The following CYFIP1 variants were observed in gnomAD, a reference collection of about 807,000 sequenced individuals.
CYFIP1 encodes cytoplasmic FMR1 interacting protein 1.
CYFIP1 carries 58 observed loss-of-function variants against 163.5 expected under a neutral mutation model. That is an observed-to-expected ratio of 0.35 (90% confidence interval 0.29 to 0.44). The LOEUF (loss-of-function observed/expected upper bound fraction) is 0.44, where lower values mean the gene tolerates loss of function less well. CYFIP1 is among the 20% of genes least tolerant of loss of function. The pLI, the probability that CYFIP1 is intolerant of heterozygous loss-of-function variation, is 1.00. For missense variants in CYFIP1, 1,338 were observed against 1,653.8 expected, an observed-to-expected ratio of 0.81 and a Z score of 3.31; for synonymous variants, 663 against 660.7, an observed-to-expected ratio of 1.00 and a Z score of -0.05.
Position 22,917,848 on chromosome 15 carries a change from G to A in CYFIP1, c.1614C>T (p.Asp538=), listed in dbSNP as rs775501281. ...FNDPALRGEK[D]PKSGFDIKVP... ...CTTTTATGTCGAAGCCGCTCTTGGG[G>A]TCCTTCTCGCCCCGCAAGGCTGGGT... The change falls in exon 15 of 31, where the codon GAC becomes GAT. Residue 538 remains aspartate, a synonymous_variant. Coordinates refer to ENST00000617928, the MANE Select transcript of CYFIP1 (RefSeq NM_014608.6). The surrounding 1 kb of genome is among the most constrained non-coding windows in gnomAD (Gnocchi z 4.2). The A allele has an allele frequency of 6.2e-7, 1 of 1,613,910 alleles. No individual in the cohort carries two copies. Among genetic ancestry groups the A allele is most frequent in the Admixed American group, 1.7e-5 (1 of 59,998 alleles).
intron 23 of CYFIP1, among the ~76,000 whole-genome samples, chr15:22,883,816 C>CAAAAAAAAAAAAAAAAAAAAAAAA (rs34623284): frequency 1.3e-5 from 1 of 74,916 alleles, no homozygotes. Flanking sequence ...GACTTCATCT[C>CAAAAAAAAAAAAAAAAAAAAAAAA]AAAAAAAAAA....
chr15:22,919,376 A>G (rs2061102454), intron 13 of CYFIP1, among the ~76,000 whole-genome samples: 1 of 152,244 alleles, frequency 6.6e-6, no homozygotes, highest in African/African-American at 2.4e-5. Flanking sequence ...CCCTGTTTCC[A>G]GACAGTAATT....
intron 1 of CYFIP1, among the ~76,000 whole-genome samples, chr15:22,976,965 C>T (rs7182206): frequency 0.26 from 40,123 of 151,966 alleles, 5,434 homozygotes; most frequent in East Asian, 0.3. Context: ...TTTGGGAGGC[C>T]GAGGCAGGCG....
At chr15:22,958,735 A>C (rs2062571612) in intron 1 of CYFIP1, among the ~76,000 whole-genome samples, 1 of 150,838 alleles carries the variant, frequency 6.6e-6, no homozygotes, top group Non-Finnish European at 1.5e-5. Context: ...TCTTCCTGTC[A>C]CTCTCCTGCT....
chr15:22,898,758 C>T (rs1189047985), intron 22 of CYFIP1, among the ~76,000 whole-genome samples: 1 of 152,030 alleles, frequency 6.6e-6, no homozygotes, highest in East Asian at 1.9e-4. Context: ...AATCCCAGCA[C>T]TTTGGGAGGC....
At chr15:22,958,843 G>A (rs577137542) in intron 1 of CYFIP1, among the ~76,000 whole-genome samples, 6 of 152,314 alleles carry the variant, frequency 3.9e-5, no homozygotes, top group African/African-American at 1.4e-4. Flanking sequence ...GAGCAGTTCT[G>A]TCTTTATCTG....
At chr15:22,927,198 G>A in intron 12 of CYFIP1, among the ~76,000 whole-genome samples, 1 of 152,124 alleles carries the variant, frequency 6.6e-6, no homozygotes, top group Admixed American at 6.5e-5. Context: ...CAAAAAACTA[G>A]GCCAGGTGCG....
intron 21 of CYFIP1, among the ~76,000 whole-genome samples, chr15:22,908,518 C>CTTTTTTTTTTTTTTTT (rs58565266): frequency 6.6e-5 from 5 of 75,490 alleles, no homozygotes; most frequent in African/African-American, 3.0e-4. Context: ...GAAGATATTT[C>CTTTTTTTTTTTTTTTT]TTTTTTTTTT....
At chr15:22,914,981 T>A in intron 16 of CYFIP1, 99 bp from the exon 17 acceptor site, 1 of 1,290,120 alleles carries the variant, frequency 7.8e-7, no homozygotes, top group South Asian at 1.5e-5. Context: ...CTGCTCCTCC[T>A]CGCTCAGCCC....
chr15:22,977,113 C>T (rs2063307158), intron 1 of CYFIP1, among the ~76,000 whole-genome samples: 1 of 151,966 alleles, frequency 6.6e-6, no homozygotes, highest in African/African-American at 2.4e-5. Flanking sequence ...GCAGGAGAAT[C>T]GCTTGAACCC....
At chr15:22,979,452 G>A (rs979600284) in intron 1 of CYFIP1, among the ~76,000 whole-genome samples, 1 of 145,174 alleles carries the variant, frequency 6.9e-6, no homozygotes, top group African/African-American at 2.7e-5. Context: ...TCCGCCGCCA[G>A]AAAACAAACG....
At chr15:22,935,220 A>G (rs1475986989) in intron 9 of CYFIP1, among the ~76,000 whole-genome samples, 2 of 152,216 alleles carry the variant, frequency 1.3e-5, no homozygotes, top group Non-Finnish European at 2.9e-5. Flanking sequence ...AGCTCCAACA[A>G]TTAAGGCAGT....
At chr15:22,971,491 G>A (rs1227321316) in intron 1 of CYFIP1, among the ~76,000 whole-genome samples, 1 of 152,110 alleles carries the variant, frequency 6.6e-6, no homozygotes, top group African/African-American at 2.4e-5. Context: ...TGACCACCAT[G>A]CAGAAACCCT....
At chr15:22,956,302 C>A (rs1198851911) in intron 1 of CYFIP1, among the ~76,000 whole-genome samples, 1 of 152,080 alleles carries the variant, frequency 6.6e-6, no homozygotes, top group African/African-American at 2.4e-5. Context: ...TCGTGCTCAG[C>A]AGGCAGCTCA....
At position 22,904,072 on chromosome 15, in the gene CYFIP1, C is replaced by T. The variant is rs115144364; in HGVS notation, c.2389-167G>A. The stretch of plus-strand genomic sequence containing the variant: ...GGTGACATGAGCTTGCTTCTTGGCA[C>T]CCCACCTTTTCAGTCACCCCCACTG... On this transcript the variant is annotated intron_variant, in intron 21 of 30. Transcript: ENST00000617928. 3,710 of 648,458 alleles carry T rather than the reference C, an allele frequency of 5.7e-3. 80 individuals carry two copies. The highest frequency in any genetic ancestry group is 0.05 in the African/African-American group (2,728 of 55,076). 40.2% of individuals were successfully genotyped at this position (648,458 alleles called of 1,614,324 possible).
At position 22,929,631 on chromosome 15, in the gene CYFIP1, C is replaced by CAAA. The variant is rs35408380; in HGVS notation, c.1111-1606_1111-1604dup. On this transcript the variant is annotated intron_variant, in intron 11 of 30. Coordinates refer to ENST00000617928, the MANE Select transcript of CYFIP1 (RefSeq NM_014608.6). ...TGGGCAACAGAGAGAGACTCTGTCT[C>CAAA]AAAAAAAAAAAAAAAAAAAAAAGGC... is the stretch of plus-strand genomic sequence containing the variant. 4.5e-3 allele frequency among the ~76,000 whole-genome samples: 188 copies of CAAA among 41,998 alleles called. 8 individuals carry two copies. Among genetic ancestry groups the CAAA allele is most frequent in the South Asian group, 0.024 (17 of 698 alleles). The allele number at this position is 41,998 out of a possible 152,430, so 27.6% of individuals were successfully genotyped here. A position where few individuals can be genotyped will look rare whatever the true frequency, so the allele number is the denominator to read the frequency against.
Position 22,918,595 on chromosome 15 carries a change from G to T in CYFIP1, c.1526+97C>A, listed in dbSNP as rs2061074765. Reference sequence around the variant, plus strand: ...TCTGAAGGTTGAAGATAAATATATTGAAATCATTTTTGAGAATTTAACGCT... The same window carrying T: ...TCTGAAGGTTGAAGATAAATATATTTAAATCATTTTTGAGAATTTAACGCT... On this transcript the variant is annotated intron_variant, in intron 14 of 30. Transcript: ENST00000617928. 33 of 1,149,060 alleles carry T rather than the reference G, an allele frequency of 2.9e-5. No homozygotes were observed. In the East Asian group the frequency reaches 8.5e-4, roughly 30 times the overall value. The allele number at this position is 1,149,060 out of a possible 1,614,324, so 71.2% of individuals were successfully genotyped here.
At chr15:22,936,386 T>C (rs572899562) in intron 9 of CYFIP1, among the ~76,000 whole-genome samples, 1 of 152,196 alleles carries the variant, frequency 6.6e-6, no homozygotes, top group South Asian at 2.1e-4. Flanking sequence ...GCTAATAACA[T>C]GGAAAGCCAT....
chr15:22,899,062 T>A (rs1163673177), intron 22 of CYFIP1, among the ~76,000 whole-genome samples: 1 of 151,990 alleles, frequency 6.6e-6, no homozygotes, highest in Non-Finnish European at 1.5e-5. Flanking sequence ...GGTCTTGAAC[T>A]CCTGGACTCA....
Sources: allele counts gnomAD v4.1 joint callset (sites outside exome capture counted in the v4.1 genomes callset), GRCh38; gene constraint gnomAD v4.1.1; non-coding constraint Gnocchi (gnomAD v3.1); transcripts MANE v1.5; gene names NCBI Gene and HGNC (gene_info 2026-07-23, HGNC 2026-07-21).